The following GRIN1 variants were observed in gnomAD, a reference collection of about 807,000 sequenced individuals.
GRIN1 encodes glutamate receptor ionotropic, NMDA 1.
Under a neutral mutation model 103.0 loss-of-function variants are expected in GRIN1, and 38 were observed. That is an observed-to-expected ratio of 0.37 (90% CI 0.28 to 0.48). The LOEUF is 0.48. Ranked by LOEUF, GRIN1 falls within the 20% of genes least tolerant of loss-of-function variation. The pLI is 0.98. For synonymous variants in GRIN1, 544 were observed against 532.7 expected (o/e 1.02, Z -0.29); for missense variants, 577 against 1,288.9 (o/e 0.45, Z 8.46).
Position 137,157,199 on chromosome 9 carries a change from G to A in GRIN1, c.968+162G>A, listed in dbSNP as rs1490332164. On this transcript the variant is annotated intron_variant, in intron 6 of 19. Transcript: ENST00000371561. ...TAGGCGGGGCCGCTCTTAGGGAGCT[G>A]GGGGAGCGCTCCTCAAGAGATGGGT... is the stretch of plus-strand genomic sequence containing the variant. Among the ~76,000 whole-genome samples, 4 of 150,260 alleles carry A rather than the reference G, an allele frequency of 2.7e-5. No individual in the cohort carries two copies. The East Asian group carries it at 5.9e-4, about 22-fold the overall frequency.
chr9:137,165,082 G>A, intron 18 of GRIN1, 104 bp from the exon 19 acceptor site: 1 of 845,846 alleles, frequency 1.2e-6, no homozygotes, highest in Admixed American at 1.7e-5. Context: ...AGGAGCGAGG[G>A]CCCAAGTGGC....
rs1402278915 is a variant in GRIN1 at position 137,158,461 on chromosome 9, T to C, written c.1051T>C (p.Tyr351His). Residue 351 changes from tyrosine to histidine, a missense_variant, in exon 7 of 20, where the codon TAC (tyrosine) becomes CAC (histidine). Physicochemically the swap from Tyr to His is moderately conservative, Grantham distance 83 (BLOSUM62 2). Transcript: ENST00000371561. ...GGATGGGGACCGGAAGTTCGCCAAC[T>C]ACAGCATCATGAACCTGCAGAACCG... The part of the protein sequence containing the change: ...NEDGDRKFAN[Y>H]SIMNLQNRKL... The C allele has an allele frequency of 1.2e-6, 2 of 1,613,270 alleles. No individual in the cohort carries two copies. The highest frequency in any genetic ancestry group is 1.1e-5 in the South Asian group (1 of 91,078).
chr9:137,151,920 T>TTTTTG (rs57806194), intron 4 of GRIN1, among the ~76,000 whole-genome samples: 1 of 120,834 alleles, frequency 8.3e-6, no homozygotes, highest in African/African-American at 3.1e-5. Context: ...TTTTTTTTTT[T>TTTTTG]CTTTGAGATG....
At position 137,154,131 on chromosome 9, in the gene GRIN1, T is replaced by G. The variant is rs540886331; in HGVS notation, c.672-2538T>G. ...CTGCCTTTTTTTTTTTCTTTTTTTT[T>G]TGTGTGTGTGTGTGAGACAGTCTTG... On this transcript the variant is annotated intron_variant, in intron 4 of 19. Transcript: ENST00000371561. Among the ~76,000 whole-genome samples the G allele has an allele frequency of 5.3e-3, 784 of 146,696 alleles. 47 individuals are homozygous for G. In the South Asian group the frequency reaches 0.12, roughly 23 times the overall value.
chr9:137,161,872 C>T lies in GRIN1; in HGVS notation c.1468-52C>T. 3.3e-6 allele frequency: 5 copies of T among 1,538,238 alleles called. No individual in the cohort carries two copies. In the South Asian group the frequency reaches 6.0e-5, roughly 18 times the overall value. On this transcript the variant is annotated intron_variant, in intron 10 of 19. Coordinates refer to ENST00000371561, the MANE Select transcript of GRIN1 (RefSeq NM_007327.4). ...CGGCTTCAGTCGGGGGTACCTGTGGCGGGAGCTGGGAGGACGCTGCCTGCA... is the reference window on the plus strand; with the variant it reads ...CGGCTTCAGTCGGGGGTACCTGTGGTGGGAGCTGGGAGGACGCTGCCTGCA...
rs781126812 is a variant in GRIN1, at chr9:137,161,356, C to T, written c.1407C>T (p.Thr469=). The change falls in exon 10 of 20, where the codon ACC becomes ACT. Residue 469 remains threonine (T), a synonymous_variant. Transcript: ENST00000371561. Reference sequence around the variant, plus strand: ...ACCTGCTCATCAAGCTGGCACGGACCATGAACTTCACCTACGAGGTGCACC... The same window carrying T: ...ACCTGCTCATCAAGCTGGCACGGACTATGAACTTCACCTACGAGGTGCACC... The part of the protein sequence containing the change: ...CIDLLIKLAR[T]MNFTYEVHLV... 4 of 1,612,698 alleles carry T rather than the reference C, an allele frequency of 2.5e-6. No individual in the cohort carries two copies. In the South Asian group the frequency reaches 3.3e-5, roughly 13 times the overall value.
intron 1 of GRIN1, 55 bp from the exon 2 acceptor site, chr9:137,141,958 A>G (rs1832195607): frequency 1.9e-6 from 3 of 1,603,970 alleles, no homozygotes; most frequent in Non-Finnish European, 1.7e-6. Flanking sequence ...TCAGCCTCTA[A>G]CCCAGTGCCT....
At chr9:137,141,086 C>T (rs763499922) in intron 1 of GRIN1, among the ~76,000 whole-genome samples, 4 of 152,212 alleles carry the variant, frequency 2.6e-5, no homozygotes, top group Non-Finnish European at 5.9e-5. Flanking sequence ...GCCCATGTTG[C>T]TGTCTGTCTG....
At chr9:137,164,240 T>C in intron 18 of GRIN1, 1 of 407,780 alleles carries the variant, frequency 2.5e-6, no homozygotes, top group Non-Finnish European at 4.7e-6. Context: ...CGCCTGTGTA[T>C]GGCACGTGAG....
Position 137,146,403 on chromosome 9 carries a change from T to C in GRIN1, c.570+501T>C, listed in dbSNP as rs1216037866. On this transcript the variant is annotated intron_variant, in intron 3 of 19. Coordinates refer to ENST00000371561, the MANE Select transcript of GRIN1 (RefSeq NM_007327.4). This position sits in a 1 kb window ranked among gnomAD's most constrained non-coding sequence, Gnocchi z 6.7. ...CCCCTGAAGCTCTGCACCTCATGGC[T>C]CAGCAAAGCCCTGTCCACAGACACC... Among the ~76,000 whole-genome samples the C allele has an allele frequency of 1.3e-5, 2 of 151,122 alleles. No individual in the cohort carries two copies. Among genetic ancestry groups the C allele is most frequent in the African/African-American group, 4.9e-5 (2 of 40,962 alleles).
chr9:137,149,153 C>G, intron 4 of GRIN1, 44 bp downstream of exon 4: 1 of 1,287,346 alleles, frequency 7.8e-7, no homozygotes, highest in East Asian at 2.5e-5. Flanking sequence ...AGGATGGTAC[C>G]TGAGCCAAGT....
intron 2 of GRIN1, among the ~76,000 whole-genome samples, chr9:137,144,608 T>TTGCATCAC (rs1554766623): frequency 6.7e-6 from 1 of 148,648 alleles, no homozygotes; most frequent in Non-Finnish European, 1.5e-5. Context: ...TGAGCCGAGA[T>TTGCATCAC]TGCACTCCAG....
At position 137,149,056 on chromosome 9, in the gene GRIN1, C is replaced by T; in HGVS notation, c.618C>T (p.Ala206=). Residue 206 remains alanine (A), a synonymous_variant, in exon 4 of 20, where the codon GCC becomes GCT. Coordinates refer to ENST00000371561, the MANE Select transcript of GRIN1 (RefSeq NM_007327.4). ...QFDPGTKNVT[A]LLMEAKELEA... is the part of the protein sequence containing the mutation. ...ACCCAGGGACCAAGAACGTGACGGC[C>T]CTGCTGATGGAGGCGAAAGAGCTGG... 1 of 1,613,708 alleles carries T rather than the reference C, an allele frequency of 6.2e-7. No homozygotes were observed. Among genetic ancestry groups the T allele is most frequent in the Middle Eastern group, 1.7e-4 (1 of 6,058 alleles).
At position 137,139,406 on chromosome 9, in the gene GRIN1, G is replaced by C; in HGVS notation, c.-81G>C. 9.6e-7 allele frequency: 1 copy of C among 1,039,566 alleles called. No individual in the cohort carries two copies. Among genetic ancestry groups the C allele is most frequent in the Non-Finnish European group, 1.2e-6 (1 of 802,236 alleles). 64.4% of individuals were successfully genotyped at this position (1,039,566 alleles called of 1,614,324 possible). ...CAGCCCGCGGGGCCGGGCGAGCGCA[G>C]GACGGCCCGGAAGCCCCGCGGGGGA... is the stretch of plus-strand genomic sequence containing the variant. On this transcript the variant is annotated 5_prime_UTR_variant, in exon 1 of 20. Transcript: ENST00000371561. This position sits in a 1 kb window ranked among gnomAD's most constrained non-coding sequence, Gnocchi z 7.7.
intron 4 of GRIN1, among the ~76,000 whole-genome samples, chr9:137,151,003 ACT>A (rs1359878032): frequency 3.2e-5 from 4 of 124,148 alleles, no homozygotes; most frequent in Non-Finnish European, 5.1e-5. Context: ...CCCAGGGAAA[ACT>A]CTGCCCAGAT....
intron 10 of GRIN1, 67 bp from the exon 11 acceptor site, chr9:137,161,857 C>A: frequency 6.6e-7 from 1 of 1,511,594 alleles, no homozygotes; most frequent in Non-Finnish European, 8.9e-7. Context: ...CGGCTTCAGT[C>A]GGGGGTACCT....
In GRIN1 at chr9:137,161,119, AAGG is replaced by A. The variant is rs2131291236; in HGVS notation, c.1267_1269del (p.Glu423del). 2 of 1,612,842 alleles carry A rather than the reference AAGG, an allele frequency of 1.2e-6. No individual in the cohort carries two copies. Among genetic ancestry groups the A allele is most frequent in the Non-Finnish European group, 1.7e-6 (2 of 1,179,904 alleles). ...GCCCACGCTGAGTGATGGGACATGCAAGGAGGAGTTCACAGTCAACGGCGACCC... is the reference window on the plus strand; with the variant it reads ...GCCCACGCTGAGTGATGGGACATGCAAGGAGTTCACAGTCAACGGCGACCC... On this transcript the variant is annotated inframe_deletion, in exon 9 of 20. Transcript: ENST00000371561.
At chr9:137,153,328 C>G (rs966216360) in intron 4 of GRIN1, among the ~76,000 whole-genome samples, 7 of 150,434 alleles carry the variant, frequency 4.7e-5, no homozygotes, top group Non-Finnish European at 1.0e-4. Context: ...TCATCTCTAC[C>G]CACACATGCA....
Position 137,161,429 on chromosome 9 carries a change from G to A in GRIN1, c.1467+13G>A, listed in dbSNP as rs1345149939. ...CACACAGGAGCGGGTAGGCTGGACG[G>A]CGGGGGTGGGGACCAGCGTGAGAGG... On this transcript the variant is annotated intron_variant, in intron 10 of 19. Coordinates refer to ENST00000371561, the MANE Select transcript of GRIN1 (RefSeq NM_007327.4). The A allele has an allele frequency of 1.2e-6, 2 of 1,608,118 alleles. No individual in the cohort carries two copies. Among genetic ancestry groups the A allele is most frequent in the Non-Finnish European group, 1.7e-6 (2 of 1,177,882 alleles).
Sources: allele counts gnomAD v4.1 joint callset (sites outside exome capture counted in the v4.1 genomes callset), GRCh38; gene constraint gnomAD v4.1.1; non-coding constraint Gnocchi (gnomAD v3.1); transcripts MANE v1.5; gene names NCBI Gene and HGNC (gene_info 2026-07-23, HGNC 2026-07-21).